CKAP5: variants seen among roughly 807,000 people sequenced by gnomAD.
The protein encoded by CKAP5 is cytoskeleton associated protein 5.
In CKAP5, 27 loss-of-function variants were observed where a neutral mutation model predicts 232.8. The observed-to-expected ratio is 0.12, with a 90% CI of 0.09 to 0.16. The LOEUF (loss-of-function observed/expected upper bound fraction) is 0.16. CKAP5 is among the 10% of genes least tolerant of loss of function. CKAP5 has a pLI of 1.00. For missense variants in CKAP5, 1,838 were observed against 2,424.7 expected, an observed-to-expected ratio of 0.76 and a Z score of 5.08; for synonymous variants, 785 against 841.1, an observed-to-expected ratio of 0.93 and a Z score of 1.16.
intron 4 of CKAP5, among the ~76,000 whole-genome samples, chr11:46,815,667 T>C (rs536834336): frequency 7.2e-5 from 11 of 152,328 alleles, no homozygotes; most frequent in Non-Finnish European, 1.5e-4. Flanking sequence ...GGGATTCAGA[T>C]AAAATAACTA....
chr11:46,796,763 A>G, intron 12 of CKAP5, 49 bp downstream of exon 12: 2 of 1,603,880 alleles, frequency 1.2e-6, no homozygotes, highest in Non-Finnish European at 1.7e-6. Flanking sequence ...CCATGATGCA[A>G]AGAGACAGGA....
In CKAP5 at chr11:46,759,223, T is replaced by C. The variant is rs375480170; in HGVS notation, c.4568+46A>G. ...AAGGGCACATTTCACGTAGGCCGTC[T>C]GATCATCATGAACTGCTCATATTTA... On this transcript the variant is annotated intron_variant, in intron 34 of 43. Coordinates refer to ENST00000529230, the MANE Select transcript of CKAP5 (RefSeq NM_001008938.4). 61 of 1,570,330 alleles carry C rather than the reference T, an allele frequency of 3.9e-5. No individual in the cohort carries two copies. The African/African-American group carries it at 8.0e-4, about 21-fold the overall frequency.
rs60027263 is a variant in CKAP5 at position 46,808,665 on chromosome 11, A to G, written c.865-521T>C. Among the ~76,000 whole-genome samples the G allele has an allele frequency of 2.2e-4, 33 of 152,392 alleles. No homozygotes were observed. In the East Asian group the frequency reaches 6.4e-3, roughly 29 times the overall value. The stretch of plus-strand genomic sequence containing the variant: ...TAAGATGTTATAACTAAAGTAATAT[A>G]ATAAACAAACAATGCCATAGACGTT... On this transcript the variant is annotated intron_variant, in intron 7 of 43. Transcript: ENST00000529230.
chr11:46,762,521 T>G, intron 31 of CKAP5, 106 bp downstream of exon 31: 1 of 1,368,350 alleles, frequency 7.3e-7, no homozygotes, highest in Non-Finnish European at 1.0e-6. Context: ...GAGGTTGGAA[T>G]CAACTACATA....
At chr11:46,753,283 CTCT>C in intron 37 of CKAP5, 24 bp downstream of exon 37, 2 of 1,550,630 alleles carry the variant, frequency 1.3e-6, no homozygotes, top group Non-Finnish European at 1.7e-6. Flanking sequence ...ATGCCCCAGG[CTCT>C]ATTGGCTGAG....
chr11:46,765,278 T>C (rs762685544), intron 27 of CKAP5, 22 bp from the exon 28 acceptor site: 1 of 1,587,612 alleles, frequency 6.3e-7, no homozygotes, highest in African/African-American at 1.4e-5. Flanking sequence ...GTTCAGGGAA[T>C]ACTGATTAGC....
rs1555161800 is a variant in CKAP5, at chr11:46,763,187, T to C, written c.3688-8A>G. On this transcript the variant is annotated splice_region_variant and splice_polypyrimidine_tract_variant and intron_variant, in intron 29 of 43. Transcript: ENST00000529230. ...TTTTTCACTCTCCAAGTGCTTAAAA[T>C]AAAACAAAACAAAACTCCCACAAAT... The C allele has an allele frequency of 6.3e-7, 1 of 1,580,936 alleles. No individual in the cohort carries two copies. The highest frequency in any genetic ancestry group is 1.1e-5 in the South Asian group (1 of 87,464).
intron 9 of CKAP5, among the ~76,000 whole-genome samples, chr11:46,798,859 T>C (rs1262065883): frequency 6.6e-6 from 1 of 152,202 alleles, no homozygotes; most frequent in Non-Finnish European, 1.5e-5. Context: ...CAATAAAACT[T>C]ACTTTCTAAA....
At chr11:46,788,050 T>C (rs1286311979) in intron 16 of CKAP5, among the ~76,000 whole-genome samples, 1 of 152,252 alleles carries the variant, frequency 6.6e-6, no homozygotes, top group Non-Finnish European at 1.5e-5. Flanking sequence ...GCTTACTTTA[T>C]TGTAAGAATA....
At chr11:46,749,300 C>T (rs1007266748) in intron 42 of CKAP5, among the ~76,000 whole-genome samples, 4 of 151,112 alleles carry the variant, frequency 2.6e-5, no homozygotes, top group Admixed American at 6.6e-5. Context: ...ATTAAAAATA[C>T]AAACATTAGC....
chr11:46,753,407 G>A lies in CKAP5; in HGVS notation c.4960C>T (p.Arg1654Trp), dbSNP rs752446179. The A allele has an allele frequency of 3.7e-6, 6 of 1,613,806 alleles. No homozygotes were observed. The highest frequency in any genetic ancestry group is 2.2e-5 in the South Asian group (2 of 91,062). The change falls in exon 37 of 44, where the codon CGG becomes TGG. Residue 1654 changes from arginine to tryptophan, a missense_variant. Transcript: ENST00000529230. ...TGTCCTTCCTCAAGATCTTCAATCC[G>A]AGAATCCAGCATTAAGGTGATGAGG... ...HGLITLMLDS[R>W]IEDLEEGQQV...
intron 12 of CKAP5, among the ~76,000 whole-genome samples, chr11:46,796,238 C>T (rs2134648248): frequency 6.6e-6 from 1 of 150,536 alleles, no homozygotes; most frequent in African/African-American, 2.4e-5. Flanking sequence ...ATTATCTACA[C>T]TTTTTTGGCA....
intron 35 of CKAP5, 115 bp downstream of exon 35, chr11:46,758,808 G>T: frequency 8.3e-7 from 1 of 1,198,034 alleles, no homozygotes; most frequent in Non-Finnish European, 1.2e-6. Context: ...CCTCGGGAAA[G>T]TATGAAACAC....
At position 46,777,457 on chromosome 11, in the gene CKAP5, T is replaced by C. The variant is rs760062779; in HGVS notation, c.2844A>G (p.Thr948=). The C allele has an allele frequency of 1.3e-5, 21 of 1,609,984 alleles. 1 individual carries two copies. Among genetic ancestry groups the C allele is most frequent in the Non-Finnish European group, 1.7e-5 (20 of 1,176,348 alleles). The change falls in exon 23 of 44, where the codon ACA becomes ACG. Residue 948 remains threonine, a synonymous_variant. Transcript: ENST00000529230. ...HVKNLGIPII[T]VLGDSKNNVR... ...GGTTTACCTTGCTGTCTCCAAGGAC[T>C]GTGATGATAGGGATGCCTAAATTTT... is the stretch of plus-strand genomic sequence containing the variant.
intron 24 of CKAP5, among the ~76,000 whole-genome samples, chr11:46,772,643 G>GT (rs1433706325): frequency 6.6e-6 from 1 of 151,976 alleles, no homozygotes; most frequent in African/African-American, 2.4e-5. Flanking sequence ...AATGATCTAC[G>GT]TGTCTATCTC....
chr11:46,795,383 C>T (rs181666314), intron 13 of CKAP5, among the ~76,000 whole-genome samples: 3 of 152,160 alleles, frequency 2.0e-5, no homozygotes, highest in Admixed American at 2.0e-4. Flanking sequence ...AAACACACTT[C>T]TGTGCCTTCA....
chr11:46,763,655 G>A, intron 28 of CKAP5, 25 bp from the exon 29 acceptor site: 1 of 1,480,206 alleles, frequency 6.8e-7, no homozygotes, highest in Non-Finnish European at 9.0e-7. Context: ...CGGTGAAAAG[G>A]GGCTACAGGG....
At chr11:46,782,365 A>G in intron 18 of CKAP5, among the ~76,000 whole-genome samples, 1 of 152,204 alleles carries the variant, frequency 6.6e-6, no homozygotes, top group South Asian at 2.1e-4. Context: ...TTTATAAGTG[A>G]CATGCCAAGA....
At chr11:46,830,007 A>C (rs1033522658) in intron 1 of CKAP5, among the ~76,000 whole-genome samples, 3 of 152,050 alleles carry the variant, frequency 2.0e-5, no homozygotes, top group Non-Finnish European at 4.4e-5. Context: ...TGCAGATGTG[A>C]TTAAATTAAG....
Sources: gnomAD v4.1 joint callset for allele counts (sites outside exome capture counted in the v4.1 genomes callset) on GRCh38, gnomAD v4.1.1 for gene constraint, MANE v1.5 for transcripts, NCBI Gene and HGNC (gene_info 2026-07-23, HGNC 2026-07-21) for gene names.